SUPT3H: variants seen among roughly 807,000 people sequenced by gnomAD.
SUPT3H encodes transcription initiation protein SPT3 homolog.
SUPT3H carries 44 observed loss-of-function variants against 44.3 expected under a neutral mutation model. That is an observed-to-expected ratio of 0.99 (90% CI 0.78 to 1.28). The LOEUF is 1.28. Among genes scored for constraint, SUPT3H ranks in the 50% most tolerant of loss-of-function variants. SUPT3H has a pLI of 0.00. For missense variants in SUPT3H, 380 were observed against 387.1 expected (o/e 0.98, Z 0.15); for synonymous variants, 124 against 125.6 (o/e 0.99, Z 0.09).
rs561172161 is a variant in SUPT3H at position 44,883,679 on chromosome 6, C to A, written c.912+48974G>T. Among the ~76,000 whole-genome samples, 29 of 152,122 alleles carry A rather than the reference C, an allele frequency of 1.9e-4. No homozygotes were observed. In the South Asian group the frequency reaches 5.8e-3, roughly 31 times the overall value. ...CTAGTACCAAAACAGATATACAGAC[C>A]AATGGAACAGAACAGAGGCCTCAGA... On this transcript the variant is annotated intron_variant, in intron 10 of 10. Transcript: ENST00000371459.
At chr6:44,888,432 T>C (rs1035851189) in intron 10 of SUPT3H, among the ~76,000 whole-genome samples, 53 of 152,176 alleles carry the variant, frequency 3.5e-4, no homozygotes, top group Non-Finnish European at 6.0e-4. Context: ...CAAGTGGGCT[T>C]CATCCCTGGG....
chr6:45,075,427 C>A (rs1035188446), intron 3 of SUPT3H, among the ~76,000 whole-genome samples: 1 of 152,080 alleles, frequency 6.6e-6, no homozygotes, highest in South Asian at 2.1e-4. Context: ...TAGAACATTT[C>A]CAACACAACA....
intron 2 of SUPT3H, among the ~76,000 whole-genome samples, chr6:45,164,015 T>G (rs1480844009): frequency 6.6e-6 from 1 of 152,114 alleles, no homozygotes. Flanking sequence ...TCATGATCAT[T>G]AACAAACATG....
chr6:45,203,508 C>T (rs571218267), intron 2 of SUPT3H, among the ~76,000 whole-genome samples: 1 of 152,352 alleles, frequency 6.6e-6, no homozygotes, highest in African/African-American at 2.4e-5. Context: ...CTCAATTTCA[C>T]TTCTCCCTCA....
chr6:45,253,872 T>TATATATATATATATATATAC (rs1491408260), intron 2 of SUPT3H, among the ~76,000 whole-genome samples: 97 of 124,012 alleles, frequency 7.8e-4, no homozygotes, highest in East Asian at 3.1e-3. Flanking sequence ...TATATATATA[T>TATATATATATATATATATAC]ACACACACAC....
chr6:45,288,585 A>G (rs1315338007), intron 2 of SUPT3H, among the ~76,000 whole-genome samples: 31 of 36,808 alleles, frequency 8.4e-4, no homozygotes, highest in African/African-American at 2.0e-3. Context: ...ATATATATGT[A>G]TATATATATA....
intron 2 of SUPT3H, among the ~76,000 whole-genome samples, chr6:45,197,256 G>T (rs1021208910): frequency 3.3e-5 from 5 of 151,546 alleles, no homozygotes; most frequent in African/African-American, 1.2e-4. Context: ...TAAATGGAGA[G>T]AAAATGTCAC....
chr6:45,143,580 A>T (rs190261472), intron 2 of SUPT3H, among the ~76,000 whole-genome samples: 8 of 152,292 alleles, frequency 5.3e-5, no homozygotes, highest in Admixed American at 3.3e-4. Flanking sequence ...ATAGTATTAA[A>T]TGCCTACATC....
intron 2 of SUPT3H, among the ~76,000 whole-genome samples, chr6:45,284,178 A>G (rs997682025): frequency 6.6e-6 from 1 of 152,226 alleles, no homozygotes; most frequent in Non-Finnish European, 1.5e-5. Context: ...ATCATAATTA[A>G]AACAACTGGA....
intron 2 of SUPT3H, among the ~76,000 whole-genome samples, chr6:45,245,063 A>C (rs1420667941): frequency 6.6e-6 from 1 of 152,144 alleles, no homozygotes; most frequent in Non-Finnish European, 1.5e-5. Flanking sequence ...TGTAAAAATC[A>C]TTTTTTAAGA....
rs531813918 is a variant in SUPT3H at position 45,360,573 on chromosome 6, CT to C, written c.101+4627del. ...AAGTCAGATGAAGGGGGCACACATT[CT>C]TTCACAGCTCATATCTTCATAATAC... On this transcript the variant is annotated intron_variant, in intron 2 of 10. Transcript: ENST00000371459. 2.0e-4 allele frequency among the ~76,000 whole-genome samples: 30 copies of C among 152,308 alleles called. No homozygotes were observed. In the South Asian group the frequency reaches 5.0e-3, roughly 25 times the overall value.
At chr6:45,211,287 G>T (rs191087153) in intron 2 of SUPT3H, among the ~76,000 whole-genome samples, 80 of 152,056 alleles carry the variant, frequency 5.3e-4, no homozygotes, top group African/African-American at 1.7e-3. Context: ...AGGTGAAGTT[G>T]TAACAGTAAG....
intron 2 of SUPT3H, among the ~76,000 whole-genome samples, chr6:45,267,926 C>T (rs552208484): frequency 6.6e-6 from 1 of 152,278 alleles, no homozygotes; most frequent in South Asian, 2.1e-4. Context: ...TGCCAGCTCA[C>T]ATACAAATAA....
chr6:45,041,399 G>C (rs944289982), intron 3 of SUPT3H, among the ~76,000 whole-genome samples: 1 of 152,062 alleles, frequency 6.6e-6, no homozygotes, highest in Non-Finnish European at 1.5e-5. Flanking sequence ...GTAGCTACCA[G>C]GTACAGGGAA....
At chr6:45,178,861 A>G (rs1812545492) in intron 2 of SUPT3H, among the ~76,000 whole-genome samples, 1 of 151,984 alleles carries the variant, frequency 6.6e-6, no homozygotes, top group African/African-American at 2.4e-5. Flanking sequence ...TGCTCTTTGA[A>G]ACCAACGAGA....
chr6:45,128,239 G>A (rs1343706785), intron 2 of SUPT3H, among the ~76,000 whole-genome samples: 2 of 151,748 alleles, frequency 1.3e-5, no homozygotes, highest in Non-Finnish European at 2.9e-5. Flanking sequence ...AGGTTCAGTG[G>A]CTCACGCCTG....
chr6:45,255,099 T>C (rs1291257427), intron 2 of SUPT3H, among the ~76,000 whole-genome samples: 2 of 152,232 alleles, frequency 1.3e-5, no homozygotes, highest in Non-Finnish European at 2.9e-5. Context: ...TACTATTTTA[T>C]TAGTTGCTGC....
chr6:44,885,830 G>A (rs1018047099), intron 10 of SUPT3H, among the ~76,000 whole-genome samples: 1 of 152,148 alleles, frequency 6.6e-6, no homozygotes, highest in Non-Finnish European at 1.5e-5. Flanking sequence ...GCTACAGGAG[G>A]AAATTCAAAC....
intron 6 of SUPT3H, among the ~76,000 whole-genome samples, chr6:45,002,894 G>C (rs1356450424): frequency 2.6e-5 from 4 of 151,952 alleles, no homozygotes; most frequent in African/African-American, 9.7e-5. Flanking sequence ...TTGCAATTCT[G>C]AAATTACCTC....
Sources: allele counts gnomAD v4.1 joint callset (sites outside exome capture counted in the v4.1 genomes callset), GRCh38; gene constraint gnomAD v4.1.1; transcripts MANE v1.5; gene names NCBI Gene and HGNC (gene_info 2026-07-23, HGNC 2026-07-21).